ATP8A2: variants seen among roughly 807,000 people sequenced by gnomAD.
ATP8A2 encodes ATPase phospholipid transporting 8A2.
ATP8A2 carries 100 observed loss-of-function variants against 165.6 expected under a neutral mutation model. The observed-to-expected ratio is 0.60, with a 90% CI of 0.51 to 0.71. The LOEUF (loss-of-function observed/expected upper bound fraction) is 0.71, where lower values mean the gene tolerates loss of function less well. Ranked by LOEUF, ATP8A2 falls within the 30% of genes least tolerant of loss-of-function variation. The probability of loss-of-function intolerance (pLI) is 0.00; values close to 1 mark genes in which losing one functional copy is unlikely to be tolerated. For synonymous variants in ATP8A2, 543 were observed against 548.8 expected (o/e 0.99, Z 0.15); for missense variants, 1,227 against 1,479.5 (o/e 0.83, Z 2.80).
rs903378432 is a variant in ATP8A2, at chr13:25,512,536, G to A, written c.222-17463G>A. Reference sequence around the variant, plus strand: ...TGACCTCCCCACCTCCCTCCCGGACGGGGCGGCTGGCCGGGCAGAGGGGCT... The same window carrying A: ...TGACCTCCCCACCTCCCTCCCGGACAGGGCGGCTGGCCGGGCAGAGGGGCT... On this transcript the variant is annotated intron_variant, in intron 2 of 36. Coordinates refer to ENST00000381655, the MANE Select transcript of ATP8A2 (RefSeq NM_016529.6). Among the ~76,000 whole-genome samples, 8 of 150,390 alleles carry A rather than the reference G, an allele frequency of 5.3e-5. No individual in the cohort carries two copies. In the East Asian group the frequency reaches 1.4e-3, roughly 27 times the overall value.
chr13:25,583,876 G>A (rs535832817), intron 23 of ATP8A2, among the ~76,000 whole-genome samples: 5 of 152,216 alleles, frequency 3.3e-5, no homozygotes, highest in South Asian at 2.1e-4. Flanking sequence ...TGCCAGAACC[G>A]CTCACATCAT....
chr13:25,627,359 C>G (rs2041128060), intron 24 of ATP8A2, among the ~76,000 whole-genome samples: 1 of 152,038 alleles, frequency 6.6e-6, no homozygotes, highest in African/African-American at 2.4e-5. Flanking sequence ...CAATGTGACC[C>G]CATTGACAGG....
At chr13:25,780,983 T>C (rs2044863050) in intron 27 of ATP8A2, among the ~76,000 whole-genome samples, 1 of 152,146 alleles carries the variant, frequency 6.6e-6, no homozygotes, top group Admixed American at 6.5e-5. Flanking sequence ...TTGTTTTCTG[T>C]GTCTTCGAAT....
At chr13:25,465,951 A>C (rs969297212) in intron 1 of ATP8A2, among the ~76,000 whole-genome samples, 1 of 151,290 alleles carries the variant, frequency 6.6e-6, no homozygotes, top group African/African-American at 2.4e-5. Context: ...GATGTTTCTT[A>C]TGTCCATCCT....
At chr13:25,886,165 A>C (rs950671534) in intron 33 of ATP8A2, among the ~76,000 whole-genome samples, 1 of 152,234 alleles carries the variant, frequency 6.6e-6, no homozygotes, top group African/African-American at 2.4e-5. Context: ...CGTCTTGGAT[A>C]AAGTATATAT....
At chr13:25,680,897 G>C (rs1021425595) in intron 24 of ATP8A2, among the ~76,000 whole-genome samples, 1 of 152,180 alleles carries the variant, frequency 6.6e-6, no homozygotes, top group African/African-American at 2.4e-5. Flanking sequence ...AAGGGACACT[G>C]TATATTTAAA....
chr13:25,428,208 A>G (rs1297724085), intron 1 of ATP8A2, among the ~76,000 whole-genome samples: 1 of 152,198 alleles, frequency 6.6e-6, no homozygotes, highest in Admixed American at 6.5e-5. Flanking sequence ...GTTAATTAAA[A>G]AAATTAAAAC....
At chr13:25,833,097 C>T (rs1441744850) in intron 28 of ATP8A2, among the ~76,000 whole-genome samples, 2 of 150,986 alleles carry the variant, frequency 1.3e-5, no homozygotes, top group Non-Finnish European at 2.9e-5. Context: ...TAGCAGTGGA[C>T]ACCTAGAAAT....
intron 33 of ATP8A2, among the ~76,000 whole-genome samples, chr13:25,931,031 C>A (rs185040539): frequency 2.5e-4 from 38 of 152,306 alleles, no homozygotes; most frequent in African/African-American, 8.9e-4. Flanking sequence ...CCAGAAGTGA[C>A]CTCTGCCTCC....
At chr13:25,944,076 A>G (rs967256104) in intron 33 of ATP8A2, among the ~76,000 whole-genome samples, 1 of 152,290 alleles carries the variant, frequency 6.6e-6, no homozygotes, top group Non-Finnish European at 1.5e-5. Flanking sequence ...TACTGGGCTA[A>G]AAATTGAAGC....
At chr13:25,938,294 CT>C (rs2139097019) in intron 33 of ATP8A2, among the ~76,000 whole-genome samples, 1 of 152,172 alleles carries the variant, frequency 6.6e-6, no homozygotes. Context: ...AACGGACGGA[CT>C]TTTACAGCAT....
chr13:25,457,032 T>C (rs1351172829), intron 1 of ATP8A2, among the ~76,000 whole-genome samples: 2 of 152,168 alleles, frequency 1.3e-5, no homozygotes, highest in African/African-American at 4.8e-5. Flanking sequence ...AGTTTACAAA[T>C]TTGTGTAGGG....
intron 2 of ATP8A2, among the ~76,000 whole-genome samples, chr13:25,476,986 A>G (rs1238677169): frequency 6.6e-6 from 1 of 152,224 alleles, no homozygotes; most frequent in Non-Finnish European, 1.5e-5. Flanking sequence ...GAGCTTTGGC[A>G]TAGTACATTC....
At chr13:25,644,169 A>G (rs2041610767) in intron 24 of ATP8A2, among the ~76,000 whole-genome samples, 1 of 151,998 alleles carries the variant, frequency 6.6e-6, no homozygotes. Flanking sequence ...TCTATATAAG[A>G]TCATGTTGTC....
At chr13:25,746,093 A>G (rs960080501) in intron 25 of ATP8A2, among the ~76,000 whole-genome samples, 1 of 152,204 alleles carries the variant, frequency 6.6e-6, no homozygotes, top group African/African-American at 2.4e-5. Flanking sequence ...TGCAAATAAT[A>G]CTTTTCAGAA....
At chr13:25,908,311 C>T (rs1446788562) in intron 33 of ATP8A2, among the ~76,000 whole-genome samples, 1 of 152,164 alleles carries the variant, frequency 6.6e-6, no homozygotes, top group African/African-American at 2.4e-5. Context: ...GTAACAGTGA[C>T]TTAGGTGTGT....
At chr13:25,446,103 A>G (rs908657792) in intron 1 of ATP8A2, among the ~76,000 whole-genome samples, 2 of 152,146 alleles carry the variant, frequency 1.3e-5, no homozygotes, top group African/African-American at 2.4e-5. Context: ...AGTGCTCTGA[A>G]TGTCAGTGAT....
At chr13:25,820,786 T>TAA (rs1222202788) in intron 27 of ATP8A2, among the ~76,000 whole-genome samples, 1 of 152,212 alleles carries the variant, frequency 6.6e-6, no homozygotes, top group East Asian at 1.9e-4. Flanking sequence ...TATAAATATT[T>TAA]AAAAATACAC....
At chr13:25,706,768 G>A (rs1343199629) in intron 25 of ATP8A2, among the ~76,000 whole-genome samples, 1 of 152,088 alleles carries the variant, frequency 6.6e-6, no homozygotes, top group Admixed American at 6.6e-5. Flanking sequence ...TTATTAACTT[G>A]TCGAGGCTGT....
Sources: gnomAD v4.1 joint callset for allele counts (sites outside exome capture counted in the v4.1 genomes callset) on GRCh38, gnomAD v4.1.1 for gene constraint, MANE v1.5 for transcripts, NCBI Gene and HGNC (gene_info 2026-07-23, HGNC 2026-07-21) for gene names.